The following CSTPP1 variants were observed in gnomAD, a reference collection of about 807,000 sequenced individuals.
CSTPP1 encodes the protein centriolar satellite-associated tubulin polyglutamylase complex regulator 1, also known as UPF0705 protein C11orf49.
chr11:46,941,385 G>T, the CSTPP1 span, among the ~76,000 whole-genome samples: 1 of 151,946 alleles, frequency 6.6e-6, no homozygotes, highest in East Asian at 1.9e-4. Context: ...TGTCACCCAG[G>T]CTGGAGTGCA....
the CSTPP1 span, among the ~76,000 whole-genome samples, chr11:46,955,993 C>A: frequency 1.0e-4 from 15 of 147,274 alleles, no homozygotes; most frequent in Admixed American, 6.0e-4. Flanking sequence ...TCCACCCCCC[C>A]CCCCCCACCA....
chr11:46,956,645 G>T, the CSTPP1 span, among the ~76,000 whole-genome samples: 1 of 151,954 alleles, frequency 6.6e-6, no homozygotes, highest in Admixed American at 6.6e-5. Flanking sequence ...TTTCGAGGAG[G>T]CCATTTTCAA....
chr11:47,032,096 A>C, the CSTPP1 span, among the ~76,000 whole-genome samples: 1 of 152,140 alleles, frequency 6.6e-6, no homozygotes, highest in African/African-American at 2.4e-5. Context: ...ACCGACTCAA[A>C]GTTAATCTCC....
At chr11:46,987,633 G>T in the CSTPP1 span, 1 of 213,386 alleles carries the variant, frequency 4.7e-6, no homozygotes, top group East Asian at 1.0e-4. Flanking sequence ...TTTCGCTGAT[G>T]TTCATCTAGC....
the CSTPP1 span, among the ~76,000 whole-genome samples, chr11:46,986,474 T>A: frequency 1.3e-5 from 2 of 151,774 alleles, no homozygotes; most frequent in African/African-American, 4.8e-5. Flanking sequence ...TTTTTTTCTG[T>A]TCTGAAATGA....
the CSTPP1 span, among the ~76,000 whole-genome samples, chr11:46,938,139 G>GT: frequency 1.3e-5 from 2 of 152,014 alleles, no homozygotes; most frequent in Non-Finnish European, 2.9e-5. Flanking sequence ...CTCCCAAAGT[G>GT]TTGGGATTAC....
chr11:47,031,384 T>G, the CSTPP1 span, among the ~76,000 whole-genome samples: 208 of 152,278 alleles, frequency 1.4e-3, no homozygotes, highest in Non-Finnish European at 1.0e-3. Context: ...GTTTTCTTAA[T>G]ATATTACTGG....
the CSTPP1 span, among the ~76,000 whole-genome samples, chr11:46,977,635 G>A: frequency 6.6e-6 from 1 of 152,330 alleles, no homozygotes; most frequent in East Asian, 1.9e-4. Flanking sequence ...TTTATGAACG[G>A]TGGCTTACTG....
chr11:47,132,339 C>T, the CSTPP1 span, among the ~76,000 whole-genome samples: 1 of 152,166 alleles, frequency 6.6e-6, no homozygotes, highest in South Asian at 2.1e-4. Context: ...CTGCAATGCA[C>T]CAGGCATTGT....
the CSTPP1 span, among the ~76,000 whole-genome samples, chr11:47,008,117 G>A: frequency 6.6e-6 from 1 of 152,014 alleles, no homozygotes; most frequent in African/African-American, 2.4e-5. Flanking sequence ...ACAGGCCTGC[G>A]CCACCATGCC....
the CSTPP1 span, among the ~76,000 whole-genome samples, chr11:47,152,437 G>T: frequency 3.9e-5 from 6 of 152,108 alleles, no homozygotes; most frequent in African/African-American, 1.4e-4. Flanking sequence ...AGGCTGGAAG[G>T]GTGTGCCCTG....
At chr11:46,982,212 C>T in the CSTPP1 span, among the ~76,000 whole-genome samples, 1 of 151,482 alleles carries the variant, frequency 6.6e-6, no homozygotes, top group Non-Finnish European at 1.5e-5. Context: ...GCCTCATAGA[C>T]CAAAATATGT....
At chr11:47,011,814 T>C in the CSTPP1 span, among the ~76,000 whole-genome samples, 1 of 152,224 alleles carries the variant, frequency 6.6e-6, no homozygotes, top group Non-Finnish European at 1.5e-5. Flanking sequence ...AACATGGATT[T>C]AGGTAGTTTT....
At chr11:47,129,694 G>A in the CSTPP1 span, among the ~76,000 whole-genome samples, 1 of 152,160 alleles carries the variant, frequency 6.6e-6, no homozygotes, top group Non-Finnish European at 1.5e-5. Flanking sequence ...GCCATGGTTA[G>A]CCTAAAAACC....
At chr11:47,015,346 C>T in the CSTPP1 span, among the ~76,000 whole-genome samples, 196 of 151,584 alleles carry the variant, frequency 1.3e-3, no homozygotes, top group Non-Finnish European at 1.9e-3. Context: ...TGGTGGTGCG[C>T]GCCTGTAATC....
the CSTPP1 span, among the ~76,000 whole-genome samples, chr11:47,061,671 C>T: frequency 3.9e-5 from 6 of 152,150 alleles, no homozygotes; most frequent in Non-Finnish European, 5.9e-5. Flanking sequence ...TTCACCTGCT[C>T]CAGCCAGTGC....
the CSTPP1 span, among the ~76,000 whole-genome samples, chr11:47,091,716 G>A: frequency 6.6e-6 from 1 of 152,312 alleles, no homozygotes; most frequent in Non-Finnish European, 1.5e-5. Context: ...TTAAGAGGGA[G>A]TCAGATAGAG....
chr11:47,020,305 A>G, the CSTPP1 span, among the ~76,000 whole-genome samples: 2 of 152,208 alleles, frequency 1.3e-5, no homozygotes, highest in East Asian at 3.8e-4. Context: ...AGTTATATCT[A>G]ATAATTTTTT....
chr11:47,162,364 T>C, the CSTPP1 span: 12 of 542,166 alleles, frequency 2.2e-5, no homozygotes, highest in Non-Finnish European at 2.8e-5. Flanking sequence ...CCTGGGGACC[T>C]GCCTCAGACA....
Sources: allele counts gnomAD v4.1 joint callset (sites outside exome capture counted in the v4.1 genomes callset), GRCh38; gene constraint gnomAD v4.1.1; transcripts MANE v1.5; gene names NCBI Gene and HGNC (gene_info 2026-07-23, HGNC 2026-07-21).